The following PXDN variants were observed in gnomAD, a reference collection of about 807,000 sequenced individuals.
PXDN encodes the protein peroxidasin homolog.
In PXDN, 77 loss-of-function variants were observed where a neutral mutation model predicts 140.3. That is an observed-to-expected ratio of 0.55 (90% confidence interval 0.46 to 0.66). PXDN has a LOEUF of 0.66. Among genes scored for constraint, PXDN ranks in the 30% least tolerant of loss-of-function variants. The probability of loss-of-function intolerance (pLI) is 0.00; values close to 1 mark genes in which losing one functional copy is unlikely to be tolerated. For missense variants in PXDN, 1,838 were observed against 2,039.5 expected (o/e 0.90, Z 1.90); for synonymous variants, 911 against 857.4 (o/e 1.06, Z -1.09).
At chr2:1,677,158 G>C in intron 7 of PXDN, 114 bp from the exon 8 acceptor site, 1 of 935,042 alleles carries the variant, frequency 1.1e-6, no homozygotes, top group South Asian at 1.8e-5. Flanking sequence ...GCCCAAAGGT[G>C]TAATTCAGCC....
At chr2:1,661,141 T>C (rs1220922894) in intron 13 of PXDN, 104 bp from the exon 14 acceptor site, 7 of 1,368,392 alleles carry the variant, frequency 5.1e-6, no homozygotes, top group East Asian at 4.8e-5. Flanking sequence ...GATTTGCAAA[T>C]GGAGAAGCTC....
intron 11 of PXDN, 123 bp downstream of exon 11, chr2:1,664,835 G>A: frequency 1.2e-6 from 1 of 853,442 alleles, no homozygotes; most frequent in South Asian, 1.7e-5. Context: ...TTGGTCCTGT[G>A]GAATCCAGTC....
rs941984045 is a variant in PXDN at position 1,653,952 on chromosome 2, C to T, written c.1947-167G>A. ...GAAGTGGGAGGCAACAAAACAAAAA[C>T]AAAACAAACAGACAAAAACCGGAAG... On this transcript the variant is annotated intron_variant, in intron 15 of 22. Coordinates refer to ENST00000252804, the MANE Select transcript of PXDN (RefSeq NM_012293.3). The T allele has an allele frequency of 1.4e-5, 11 of 781,714 alleles. No individual in the cohort carries two copies. The Admixed American group carries it at 3.7e-4, about 26-fold the overall frequency. The allele number at this position is 781,714 out of a possible 1,614,324, so 48.4% of individuals were successfully genotyped here.
chr2:1,710,052 A>T (rs1372949805), intron 1 of PXDN, among the ~76,000 whole-genome samples: 1 of 152,194 alleles, frequency 6.6e-6, no homozygotes, highest in African/African-American at 2.4e-5. Context: ...AGAGGAGCAC[A>T]CGCAGCTGCG....
At chr2:1,715,231 G>T (rs565459882) in intron 1 of PXDN, among the ~76,000 whole-genome samples, 3 of 152,234 alleles carry the variant, frequency 2.0e-5, no homozygotes, top group South Asian at 4.2e-4. Flanking sequence ...TAAGGGCAAG[G>T]ACAGTGGGGT....
chr2:1,736,823 C>T (rs1381875951), intron 1 of PXDN, among the ~76,000 whole-genome samples: 1 of 152,144 alleles, frequency 6.6e-6, no homozygotes, highest in African/African-American at 2.4e-5. Context: ...TAAGTATGTG[C>T]CCTTTTAAAA....
rs115424274 is a variant in PXDN, at chr2:1,690,934, G to A, written c.344+994C>T. 2.5e-3 allele frequency among the ~76,000 whole-genome samples: 387 copies of A among 152,156 alleles called. 4 individuals are homozygous for A. The highest frequency in any genetic ancestry group is 8.9e-3 in the African/African-American group (368 of 41,520). On this transcript the variant is annotated intron_variant, in intron 3 of 22. Transcript: ENST00000252804. ...GAGTATACATCAACAATAACAAGACGACTTTGTTTTAAAAATCAAAATAAC... is the reference window on the plus strand; with the variant it reads ...GAGTATACATCAACAATAACAAGACAACTTTGTTTTAAAAATCAAAATAAC...
chr2:1,737,922 C>G (rs1451536466), intron 1 of PXDN, among the ~76,000 whole-genome samples: 4 of 152,130 alleles, frequency 2.6e-5, no homozygotes, highest in Non-Finnish European at 1.5e-5. Context: ...ATCTATCAAC[C>G]AGTTATATTA....
chr2:1,684,554 C>T (rs1684005475), intron 4 of PXDN, among the ~76,000 whole-genome samples: 1 of 152,190 alleles, frequency 6.6e-6, no homozygotes, highest in African/African-American at 2.4e-5. Context: ...AATCTTTTAA[C>T]TCGTGTATAA....
At position 1,726,817 on chromosome 2, in the gene PXDN, T is replaced by C. The variant is rs1016254489; in HGVS notation, c.200+17439A>G. 3.9e-5 allele frequency among the ~76,000 whole-genome samples: 6 copies of C among 152,224 alleles called. No individual in the cohort carries two copies. In the East Asian group the frequency reaches 5.8e-4, roughly 15 times the overall value. ...TTACTTTAATGTAGTCCTACTTGTTTATTTATTTTTGCTTTTGAATTTCCG... is the reference window on the plus strand; with the variant it reads ...TTACTTTAATGTAGTCCTACTTGTTCATTTATTTTTGCTTTTGAATTTCCG... On this transcript the variant is annotated intron_variant, in intron 1 of 22. Coordinates refer to ENST00000252804, the MANE Select transcript of PXDN (RefSeq NM_012293.3).
At chr2:1,653,050 T>C (rs1164399071) in intron 16 of PXDN, 2 of 201,096 alleles carry the variant, frequency 9.9e-6, no homozygotes, top group Non-Finnish European at 2.1e-5. Flanking sequence ...TCATCAATAG[T>C]ACTACTACCA....
chr2:1,687,291 G>A lies in PXDN; in HGVS notation c.416+341C>T, dbSNP rs141199403. Among the ~76,000 whole-genome samples the A allele has an allele frequency of 7.1e-4, 108 of 152,336 alleles. No individual in the cohort carries two copies. The highest frequency in any genetic ancestry group is 2.0e-3 in the African/African-American group (82 of 41,570). On this transcript the variant is annotated intron_variant, in intron 4 of 22. Transcript: ENST00000252804. This position sits in a 1 kb window ranked among gnomAD's most constrained non-coding sequence, Gnocchi z 4.0. The stretch of plus-strand genomic sequence containing the variant: ...TTCCCCTGTGAAGGATGCCTTGATC[G>A]GACTTGGGCGCCTGCCTGTCTCTCC...
chr2:1,640,969 C>T (rs115729986), intron 19 of PXDN, among the ~76,000 whole-genome samples: 1,523 of 152,270 alleles, frequency 0.01, 24 homozygotes, highest in African/African-American at 0.035. Context: ...CCCCAGGGCA[C>T]GGCTGGGCCA....
chr2:1,737,541 C>T (rs6747543), intron 1 of PXDN, among the ~76,000 whole-genome samples: 101,624 of 149,744 alleles, frequency 0.68, 34,657 homozygotes, highest in East Asian at 0.93. Flanking sequence ...AATGCCTATT[C>T]TTTTCTTTTT....
At chr2:1,663,054 G>A (rs1333254511) in intron 12 of PXDN, among the ~76,000 whole-genome samples, 2 of 152,204 alleles carry the variant, frequency 1.3e-5, no homozygotes, top group Non-Finnish European at 1.5e-5. Context: ...TCAGTGCTAC[G>A]CTGATTCTAT....
chr2:1,651,268 C>T lies in PXDN; in HGVS notation c.2105-1593G>A, dbSNP rs767419767. Reference sequence around the variant, plus strand: ...CTGGCTGGGCTGTGGGGCTGGTCTCCGGGCTTTCCTCCAGAATGTTCACTT... The same window carrying T: ...CTGGCTGGGCTGTGGGGCTGGTCTCTGGGCTTTCCTCCAGAATGTTCACTT... On this transcript the variant is annotated intron_variant, in intron 16 of 22. Coordinates refer to ENST00000252804, the MANE Select transcript of PXDN (RefSeq NM_012293.3). This position sits in a 1 kb window ranked among gnomAD's most constrained non-coding sequence, Gnocchi z 4.4. Among the ~76,000 whole-genome samples the T allele has an allele frequency of 1.3e-5, 2 of 152,124 alleles. No homozygotes were observed. Among genetic ancestry groups the T allele is most frequent in the African/African-American group, 2.4e-5 (1 of 41,426 alleles).
intron 1 of PXDN, among the ~76,000 whole-genome samples, chr2:1,719,876 AAG>A (rs1216803917): frequency 1.3e-5 from 1 of 78,548 alleles, no homozygotes; most frequent in African/African-American, 5.6e-5. Flanking sequence ...GTGTGTGTGA[AAG>A]AGAGAGAGGG....
chr2:1,648,639 C>G lies in PXDN; in HGVS notation c.3141G>C (p.Leu1047=). ...CGGGGTCGTAGCCGTGGTACTCTCC[C>G]AGCGTCCTCATGCCCACCTCCCCCA... ...KILGEVGMRT[L]GEYHGYDPGI... The change falls in exon 17 of 23, where the codon CTG becomes CTC. Residue 1047 remains leucine (L), a synonymous_variant. Coordinates refer to ENST00000252804, the MANE Select transcript of PXDN (RefSeq NM_012293.3). The surrounding 1 kb of genome is among the most constrained non-coding windows in gnomAD (Gnocchi z 8.9). 1 of 1,610,788 alleles carries G rather than the reference C, an allele frequency of 6.2e-7. No individual in the cohort carries two copies. Among genetic ancestry groups the G allele is most frequent in the Non-Finnish European group, 8.5e-7 (1 of 1,178,958 alleles).
chr2:1,645,397 C>T (rs116608173), intron 17 of PXDN, among the ~76,000 whole-genome samples: 1,701 of 152,294 alleles, frequency 0.011, 35 homozygotes, highest in African/African-American at 0.039. Flanking sequence ...AACTCGACTA[C>T]GCAGCAGATG....
Sources: gnomAD v4.1 joint callset for allele counts (sites outside exome capture counted in the v4.1 genomes callset) on GRCh38, gnomAD v4.1.1 for gene constraint, Gnocchi (gnomAD v3.1) non-coding constraint, MANE v1.5 for transcripts, NCBI Gene and HGNC (gene_info 2026-07-23, HGNC 2026-07-21) for gene names.